The following PIEZO2 variants were observed in gnomAD, a reference collection of about 807,000 sequenced individuals.
The protein encoded by PIEZO2 is piezo-type mechanosensitive ion channel component 2.
PIEZO2 carries 172 observed loss-of-function variants against 337.3 expected under a neutral mutation model. The observed-to-expected ratio is 0.51, with a 90% CI of 0.45 to 0.58. The LOEUF (loss-of-function observed/expected upper bound fraction) is 0.58. PIEZO2 is among the 20% of genes least tolerant of loss of function. PIEZO2 has a pLI of 0.00. For missense variants in PIEZO2, 3,028 were observed against 3,391.3 expected, an observed-to-expected ratio of 0.89 and a Z score of 2.66; for synonymous variants, 1,251 against 1,228.5, an observed-to-expected ratio of 1.02 and a Z score of -0.38.
In PIEZO2 at chr18:10,870,831, A is replaced by T. The variant is rs2042121539; in HGVS notation, c.492+422T>A. 6.6e-6 allele frequency among the ~76,000 whole-genome samples: 1 copy of T among 152,212 alleles called. No individual in the cohort carries two copies. The highest frequency in any genetic ancestry group is 2.4e-5 in the African/African-American group (1 of 41,458). On this transcript the variant is annotated intron_variant, in intron 5 of 55. Coordinates refer to ENST00000674853, the MANE Select transcript of PIEZO2 (RefSeq NM_001378183.1). This position sits in a 1 kb window ranked among gnomAD's most constrained non-coding sequence, Gnocchi z 5.3. Reference sequence around the variant, plus strand: ...CCACTGAGCAGGACAAGGTGCACAGACTGGAAAGCTGCCCTGCAAGGAGGA... The same window carrying T: ...CCACTGAGCAGGACAAGGTGCACAGTCTGGAAAGCTGCCCTGCAAGGAGGA...
intron 27 of PIEZO2, among the ~76,000 whole-genome samples, chr18:10,753,278 A>G (rs2037714216): frequency 6.6e-6 from 1 of 152,170 alleles, no homozygotes; most frequent in South Asian, 2.1e-4. Context: ...AGTTAAACAA[A>G]TTTATGTTGA....
chr18:10,909,388 A>G (rs1365690337), intron 4 of PIEZO2, among the ~76,000 whole-genome samples: 1 of 152,156 alleles, frequency 6.6e-6, no homozygotes, highest in Non-Finnish European at 1.5e-5. Context: ...GGAAGTGATA[A>G]TGAGATGGAA....
rs57301962 is a variant in PIEZO2, at chr18:10,718,402, A to C, written c.5030-143T>G. The C allele has an allele frequency of 0.014, 9,834 of 690,808 alleles. 702 individuals carry two copies. The African/African-American group carries it at 0.16, about 11-fold the overall frequency. 42.8% of individuals were successfully genotyped at this position (690,808 alleles called of 1,614,324 possible). A position where few individuals can be genotyped will look rare whatever the true frequency, so the allele number is the denominator to read the frequency against. On this transcript the variant is annotated intron_variant, in intron 36 of 55. Transcript: ENST00000674853. ...GAGTTCCTTGGGGAAAGGTTGTTAG[A>C]ATTCATAGCTCTTAGATTATTTTAC...
Position 11,118,968 on chromosome 18 carries a change from C to T in PIEZO2, c.64+29557G>A, listed in dbSNP as rs556455900. ...ATCTTTAGGGACACTTATATCCTGT[C>T]GTGTAGTTACATTATTCTTGCAGTT... On this transcript the variant is annotated intron_variant, in intron 1 of 55. Transcript: ENST00000674853. Among the ~76,000 whole-genome samples, 11 of 152,158 alleles carry T rather than the reference C, an allele frequency of 7.2e-5. No homozygotes were observed. In the East Asian group the frequency reaches 1.7e-3, roughly 24 times the overall value.
Position 11,116,704 on chromosome 18 carries a change from G to A in PIEZO2, c.64+31821C>T, listed in dbSNP as rs1342723375. 4.6e-5 allele frequency among the ~76,000 whole-genome samples: 7 copies of A among 151,018 alleles called. No individual in the cohort carries two copies. The highest frequency in any genetic ancestry group is 1.0e-4 in the Non-Finnish European group (7 of 67,912). On this transcript the variant is annotated intron_variant, in intron 1 of 55. Coordinates refer to ENST00000674853, the MANE Select transcript of PIEZO2 (RefSeq NM_001378183.1). This position sits in a 1 kb window ranked among gnomAD's most constrained non-coding sequence, Gnocchi z 5.0. Reference sequence around the variant, plus strand: ...CACTCCAGCCTGGGCGACAGAACGAGACTCCGTCTCAAAAAAAACAAAGAA... The same window carrying A: ...CACTCCAGCCTGGGCGACAGAACGAAACTCCGTCTCAAAAAAAACAAAGAA...
chr18:11,065,316 T>C (rs998754474), intron 2 of PIEZO2, among the ~76,000 whole-genome samples: 12 of 152,254 alleles, frequency 7.9e-5, no homozygotes, highest in Admixed American at 2.0e-4. Context: ...TTTCCTTTCA[T>C]GTAAACATAC....
Position 10,787,233 on chromosome 18 carries a change from G to A in PIEZO2, c.2170-49C>T, listed in dbSNP as rs543579750. ...AAAAATGAGAAAAAATCACTTTTAG[G>A]AAAACTCACAAAAATATTTGGTTTA... On this transcript the variant is annotated intron_variant, in intron 15 of 55. Transcript: ENST00000674853. The A allele has an allele frequency of 6.4e-5, 93 of 1,454,966 alleles. 2 individuals carry two copies. In the South Asian group the frequency reaches 1.2e-3, roughly 18 times the overall value. The allele number at this position is 1,454,966 out of a possible 1,614,324, so 90.1% of individuals were successfully genotyped here.
intron 7 of PIEZO2, among the ~76,000 whole-genome samples, chr18:10,832,598 C>G (rs1488062790): frequency 6.6e-6 from 1 of 152,128 alleles, no homozygotes; most frequent in Non-Finnish European, 1.5e-5. Context: ...TCTACTTTAG[C>G]AAGAACAGAG....
chr18:11,057,282 C>T (rs2037765528), intron 2 of PIEZO2, among the ~76,000 whole-genome samples: 1 of 152,138 alleles, frequency 6.6e-6, no homozygotes, highest in Non-Finnish European at 1.5e-5. Context: ...CTTCAGTAAC[C>T]AATCCTTTCT....
intron 28 of PIEZO2, among the ~76,000 whole-genome samples, chr18:10,751,974 A>G (rs1376300173): frequency 1.3e-5 from 2 of 152,110 alleles, no homozygotes; most frequent in Non-Finnish European, 2.9e-5. Flanking sequence ...AGAGCAGCCA[A>G]GCTTCGTCGG....
intron 30 of PIEZO2, among the ~76,000 whole-genome samples, chr18:10,747,669 G>C (rs2037478158): frequency 6.6e-6 from 1 of 152,190 alleles, no homozygotes; most frequent in Non-Finnish European, 1.5e-5. Flanking sequence ...TTAGGTAACA[G>C]AGGCTGACAA....
chr18:10,993,957 C>G lies in PIEZO2; in HGVS notation c.161-14297G>C, dbSNP rs1204802016. 6.6e-6 allele frequency among the ~76,000 whole-genome samples: 1 copy of G among 152,108 alleles called. No individual in the cohort carries two copies. Among genetic ancestry groups the G allele is most frequent in the African/African-American group, 2.4e-5 (1 of 41,428 alleles). On this transcript the variant is annotated intron_variant, in intron 2 of 55. Transcript: ENST00000674853. The surrounding 1 kb of genome is among the most constrained non-coding windows in gnomAD (Gnocchi z 5.0). ...TGTGAGATTTTGGTGTACCCATCAC[C>G]CAAGAAGTATACACTGAAGCCAATT... is the stretch of plus-strand genomic sequence containing the variant.
Position 10,861,780 on chromosome 18 carries a change from A to C in PIEZO2, c.493-4569T>G, listed in dbSNP as rs1394341256. Among the ~76,000 whole-genome samples, 1 of 152,190 alleles carries C rather than the reference A, an allele frequency of 6.6e-6. No homozygotes were observed. Among genetic ancestry groups the C allele is most frequent in the African/African-American group, 2.4e-5 (1 of 41,446 alleles). On this transcript the variant is annotated intron_variant, in intron 5 of 55. Coordinates refer to ENST00000674853, the MANE Select transcript of PIEZO2 (RefSeq NM_001378183.1). The surrounding 1 kb of genome is among the most constrained non-coding windows in gnomAD (Gnocchi z 4.3). Reference sequence around the variant, plus strand: ...TGCCTATAATCCCAGCACCTTGGGAAGCTGAGGCAGGTGGATCACCTGAGG... The same window carrying C: ...TGCCTATAATCCCAGCACCTTGGGACGCTGAGGCAGGTGGATCACCTGAGG...
At chr18:10,868,778 T>C (rs1021908254) in intron 5 of PIEZO2, among the ~76,000 whole-genome samples, 1 of 152,160 alleles carries the variant, frequency 6.6e-6, no homozygotes, top group African/African-American at 2.4e-5. Flanking sequence ...TGTGACTGCA[T>C]TGTGTTCTTT....
At chr18:10,723,751 T>C (rs1323295980) in intron 36 of PIEZO2, among the ~76,000 whole-genome samples, 12 of 152,128 alleles carry the variant, frequency 7.9e-5, no homozygotes, top group Non-Finnish European at 1.5e-5. Flanking sequence ...TCACTGGCCT[T>C]GGATGACCAC....
rs1056394049 is a variant in PIEZO2, at chr18:10,795,232, G to A, written c.1528-230C>T. Among the ~76,000 whole-genome samples the A allele has an allele frequency of 4.6e-5, 7 of 152,070 alleles. No homozygotes were observed. The highest frequency in any genetic ancestry group is 2.0e-4 in the Admixed American group (3 of 15,280). On this transcript the variant is annotated intron_variant, in intron 12 of 55. Transcript: ENST00000674853. This position sits in a 1 kb window ranked among gnomAD's most constrained non-coding sequence, Gnocchi z 4.4. ...TCCATTAACACAGCAGAATGGTACCGGACAAGGGCACATTTTTAATGAAGG... is the reference window on the plus strand; with the variant it reads ...TCCATTAACACAGCAGAATGGTACCAGACAAGGGCACATTTTTAATGAAGG...
Position 10,698,983 on chromosome 18 carries a change from G to A in PIEZO2, c.6636C>T (p.Ser2212=), listed in dbSNP as rs748385333. The change falls in exon 44 of 56, where the codon TCC becomes TCT. Residue 2212 remains serine (S), a synonymous_variant. Coordinates refer to ENST00000674853, the MANE Select transcript of PIEZO2 (RefSeq NM_001378183.1). ...TCTGGGATGGCTCGGAGCTGCTGCC[G>A]GAGCGCTTCCTCCGGACAGCTGTCT... is the stretch of plus-strand genomic sequence containing the variant. The part of the protein sequence containing the change: ...EQQTAVRRKR[S]GSSSEPSQRS... 81 of 1,536,770 alleles carry A rather than the reference G, an allele frequency of 5.3e-5. No homozygotes were observed. The highest frequency in any genetic ancestry group is 1.5e-4 in the South Asian group (13 of 84,060).
At chr18:11,090,182 C>T (rs1360952227) in intron 1 of PIEZO2, among the ~76,000 whole-genome samples, 1 of 152,052 alleles carries the variant, frequency 6.6e-6, no homozygotes, top group Admixed American at 6.6e-5. Flanking sequence ...TGTAACGGTG[C>T]CTTTTCCTGG....
At position 10,699,004 on chromosome 18, in the gene PIEZO2, TG is replaced by T. The variant is rs2035219369; in HGVS notation, c.6614del (p.Thr2205LysfsTer43). On this transcript the variant is annotated frameshift_variant, in exon 44 of 56. Coordinates refer to ENST00000674853, the MANE Select transcript of PIEZO2 (RefSeq NM_001378183.1). LOFTEE classifies it high-confidence loss of function. Reference sequence around the variant, plus strand: ...TGCCGGAGCGCTTCCTCCGGACAGCTGTCTGCTGCTCCGGGAAGGTCACATG... The same window carrying T: ...TGCCGGAGCGCTTCCTCCGGACAGCTTCTGCTGCTCCGGGAAGGTCACATG... ...SVHVTFPEQQ[T>X]AVRRKRSGSS... 1 of 1,537,058 alleles carries T rather than the reference TG, an allele frequency of 6.5e-7. No individual in the cohort carries two copies. Among genetic ancestry groups the T allele is most frequent in the Non-Finnish European group, 8.7e-7 (1 of 1,146,916 alleles).
Sources: allele counts gnomAD v4.1 joint callset (sites outside exome capture counted in the v4.1 genomes callset), GRCh38; gene constraint gnomAD v4.1.1; non-coding constraint Gnocchi (gnomAD v3.1); transcripts MANE v1.5; gene names NCBI Gene and HGNC (gene_info 2026-07-23, HGNC 2026-07-21).